CIMIP1: variants seen among roughly 807,000 people sequenced by gnomAD.
The protein encoded by CIMIP1 is ciliary microtubule inner protein 1.
At chr20:58,152,916 G>T in the CIMIP1 span, among the ~76,000 whole-genome samples, 3 of 152,240 alleles carry the variant, frequency 2.0e-5, no homozygotes, top group Non-Finnish European at 4.4e-5. Context: ...AAACTGTGGG[G>T]TAGGGATATG....
chr20:58,155,097 C>T, the CIMIP1 span, among the ~76,000 whole-genome samples: 1 of 152,256 alleles, frequency 6.6e-6, no homozygotes, highest in African/African-American at 2.4e-5. Context: ...TGAGCCACCA[C>T]ACTCAACCCT....
At chr20:58,153,502 C>A in the CIMIP1 span, 257 of 1,519,998 alleles carry the variant, frequency 1.7e-4, no homozygotes, top group Non-Finnish European at 8.9e-5. Flanking sequence ...CCCCTTGAAC[C>A]TTTTTCCGTG....
chr20:58,156,432 G>C, the CIMIP1 span, among the ~76,000 whole-genome samples: 1 of 152,192 alleles, frequency 6.6e-6, no homozygotes, highest in Non-Finnish European at 1.5e-5. Flanking sequence ...CGATGCGACA[G>C]GAGCTTGGGT....
At chr20:58,154,312 A>T in the CIMIP1 span, among the ~76,000 whole-genome samples, 1 of 152,256 alleles carries the variant, frequency 6.6e-6, no homozygotes, top group East Asian at 1.9e-4. Flanking sequence ...ACCATATGGG[A>T]AAGCCAACTG....
At chr20:58,154,432 C>A in the CIMIP1 span, among the ~76,000 whole-genome samples, 3 of 152,242 alleles carry the variant, frequency 2.0e-5, no homozygotes, top group Non-Finnish European at 4.4e-5. Flanking sequence ...GGCCACCAAT[C>A]TGCAACCTCT....
the CIMIP1 span, among the ~76,000 whole-genome samples, chr20:58,159,313 C>T: frequency 4.1e-5 from 6 of 147,790 alleles, no homozygotes; most frequent in Non-Finnish European, 8.9e-5. Context: ...GTCAGGAGTT[C>T]GAGACCAGCC....
the CIMIP1 span, chr20:58,151,026 A>G: frequency 1.2e-6 from 2 of 1,606,734 alleles, no homozygotes; most frequent in African/African-American, 2.7e-5. Context: ...GGTCAGGATG[A>G]GATCTGGTAA....
chr20:58,155,508 A>T, the CIMIP1 span: 2 of 1,614,168 alleles, frequency 1.2e-6, no homozygotes, highest in Non-Finnish European at 1.7e-6. Context: ...CCAAAGCCCA[A>T]AATCGAGCTT....
At chr20:58,159,299 T>G in the CIMIP1 span, among the ~76,000 whole-genome samples, 15 of 147,780 alleles carry the variant, frequency 1.0e-4, no homozygotes, top group African/African-American at 3.8e-4. Context: ...GTGGATCAAC[T>G]GAGGTCAGGA....
At chr20:58,151,776 GA>G in the CIMIP1 span, among the ~76,000 whole-genome samples, 1 of 152,254 alleles carries the variant, frequency 6.6e-6, no homozygotes, top group African/African-American at 2.4e-5. Flanking sequence ...TGAAGTACAT[GA>G]AAATCCCTTG....
the CIMIP1 span, chr20:58,151,149 C>A: frequency 2.1e-6 from 2 of 950,366 alleles, no homozygotes; most frequent in Non-Finnish European, 1.6e-6. Flanking sequence ...ACTCGAGGGG[C>A]AGAGGGGCGT....
chr20:58,159,878 C>T, the CIMIP1 span, among the ~76,000 whole-genome samples: 1 of 152,200 alleles, frequency 6.6e-6, no homozygotes, highest in South Asian at 2.1e-4. Flanking sequence ...TTTCGTCCAC[C>T]AGCAGCAGCC....
the CIMIP1 span, among the ~76,000 whole-genome samples, chr20:58,155,245 G>A: frequency 5.9e-5 from 9 of 152,372 alleles, no homozygotes; most frequent in East Asian, 9.6e-4. Flanking sequence ...GCAGGCCTGC[G>A]TTGAGGTCCC....
chr20:58,155,058 G>A, the CIMIP1 span, among the ~76,000 whole-genome samples: 8 of 152,270 alleles, frequency 5.3e-5, no homozygotes, highest in South Asian at 2.1e-4. Context: ...CTCCCACCTC[G>A]GCCTCCCAAA....
At chr20:58,155,085 C>T in the CIMIP1 span, among the ~76,000 whole-genome samples, 1 of 152,242 alleles carries the variant, frequency 6.6e-6, no homozygotes, top group Non-Finnish European at 1.5e-5. Context: ...GGATTACAGG[C>T]ATGAGCCACC....
At chr20:58,154,737 A>G in the CIMIP1 span, among the ~76,000 whole-genome samples, 1 of 152,192 alleles carries the variant, frequency 6.6e-6, no homozygotes, top group South Asian at 2.1e-4. Context: ...TGAAAAATTA[A>G]AAAGGGGAGT....
chr20:58,159,012 C>T, the CIMIP1 span, among the ~76,000 whole-genome samples: 1 of 152,140 alleles, frequency 6.6e-6, no homozygotes, highest in African/African-American at 2.4e-5. Flanking sequence ...GTGAATGAGC[C>T]TCCGTGGGTG....
chr20:58,155,583 TTAAA>T, the CIMIP1 span: 3 of 1,594,834 alleles, frequency 1.9e-6, no homozygotes, highest in African/African-American at 4.0e-5. Flanking sequence ...TGAAACGTTT[TTAAA>T]TACTCATTTT....
chr20:58,151,143 G>C, the CIMIP1 span: 2 of 960,954 alleles, frequency 2.1e-6, no homozygotes, highest in Non-Finnish European at 3.2e-6. Context: ...CACTAAACTC[G>C]AGGGGCAGAG....
Sources: allele counts gnomAD v4.1 joint callset (sites outside exome capture counted in the v4.1 genomes callset), GRCh38; gene constraint gnomAD v4.1.1; transcripts MANE v1.5; gene names NCBI Gene and HGNC (gene_info 2026-07-23, HGNC 2026-07-21).